The following FTO variants were observed in gnomAD, a reference collection of about 807,000 sequenced individuals.
FTO encodes alpha-ketoglutarate-dependent dioxygenase FTO.
FTO carries 47 observed loss-of-function variants against 63.9 expected under a neutral mutation model. That is an observed-to-expected ratio of 0.74 (90% CI 0.58 to 0.94). The LOEUF (loss-of-function observed/expected upper bound fraction) is 0.94, where lower values mean the gene tolerates loss of function less well. Among genes scored for constraint, FTO ranks in the 40% least tolerant of loss-of-function variants. The pLI, the probability that FTO is intolerant of heterozygous loss-of-function variation, is 0.00. For missense variants in FTO, 562 were observed against 618.1 expected (o/e 0.91, Z 0.96); for synonymous variants, 207 against 224.4 (o/e 0.92, Z 0.69).
chr16:53,829,834 A>T (rs181234963), intron 3 of FTO, among the ~76,000 whole-genome samples: 2 of 152,256 alleles, frequency 1.3e-5, no homozygotes, highest in East Asian at 3.9e-4. Context: ...AAATCACTTG[A>T]TTCTAGCCTT....
chr16:54,073,142 C>A (rs1324878590), intron 8 of FTO, among the ~76,000 whole-genome samples: 1 of 152,132 alleles, frequency 6.6e-6, no homozygotes, highest in Non-Finnish European at 1.5e-5. Flanking sequence ...TCCTCTCCTA[C>A]GTGTCCTGTT....
chr16:53,811,321 A>G (rs1348148822), intron 2 of FTO, among the ~76,000 whole-genome samples: 4 of 152,216 alleles, frequency 2.6e-5, no homozygotes, highest in Admixed American at 1.3e-4. Context: ...GAAAATCAGA[A>G]TAGGAATTAG....
intron 1 of FTO, among the ~76,000 whole-genome samples, chr16:53,779,287 A>G (rs546379797): frequency 4.6e-5 from 7 of 152,244 alleles, no homozygotes; most frequent in African/African-American, 1.7e-4. Flanking sequence ...CATCATTGCA[A>G]CAATTATTAC....
In FTO at chr16:53,917,707, T is replaced by TGA. The variant is rs1567435098; in HGVS notation, c.1240-16276_1240-16275dup. 6.9e-5 allele frequency among the ~76,000 whole-genome samples: 8 copies of TGA among 115,708 alleles called. 1 individual carries two copies. In the South Asian group the frequency reaches 2.5e-3, roughly 36 times the overall value. The allele number at this position is 115,708 out of a possible 152,430, so 75.9% of individuals were successfully genotyped here. On this transcript the variant is annotated intron_variant, in intron 7 of 8. Transcript: ENST00000471389. ...TTGAGAGCCATACCACAAAATTGAG[T>TGA]GAGTGTGTGTGTGTGTGTGTGTGTG...
intron 8 of FTO, among the ~76,000 whole-genome samples, chr16:53,978,485 G>A (rs563346673): frequency 6.6e-4 from 100 of 152,194 alleles, no homozygotes; most frequent in African/African-American, 1.9e-3. Context: ...GCCAAACATC[G>A]TTTTAGGTTT....
intron 8 of FTO, among the ~76,000 whole-genome samples, chr16:53,939,808 T>A (rs2082484794): frequency 6.6e-6 from 1 of 152,238 alleles, no homozygotes; most frequent in Non-Finnish European, 1.5e-5. Flanking sequence ...TCTTTTTTAC[T>A]GCTGAATAAT....
intron 1 of FTO, among the ~76,000 whole-genome samples, chr16:53,800,980 T>A (rs867905771): frequency 1.3e-5 from 2 of 152,172 alleles, no homozygotes; most frequent in African/African-American, 4.8e-5. Flanking sequence ...AATCAATTTG[T>A]TTCTTTACAT....
At chr16:53,861,730 A>C (rs1319480536) in intron 4 of FTO, among the ~76,000 whole-genome samples, 1 of 152,192 alleles carries the variant, frequency 6.6e-6, no homozygotes, top group Non-Finnish European at 1.5e-5. Flanking sequence ...AACTGCGTTT[A>C]TGCTTACTGC....
chr16:53,968,057 A>G (rs145853059), intron 8 of FTO, among the ~76,000 whole-genome samples: 1 of 152,340 alleles, frequency 6.6e-6, no homozygotes, highest in Non-Finnish European at 1.5e-5. Flanking sequence ...TCATATGTAT[A>G]TAAAAGAAAT....
chr16:53,816,931 A>G (rs566337269), intron 2 of FTO, among the ~76,000 whole-genome samples: 2 of 152,306 alleles, frequency 1.3e-5, no homozygotes, highest in East Asian at 1.9e-4. Context: ...TGCTCAATAC[A>G]TATGTATTCA....
At chr16:53,715,028 C>T (rs1237204400) in intron 1 of FTO, among the ~76,000 whole-genome samples, 1 of 152,148 alleles carries the variant, frequency 6.6e-6, no homozygotes, top group Non-Finnish European at 1.5e-5. Context: ...ATCAGACCAT[C>T]AAGATACTAA....
chr16:53,796,553 A>G (rs9930506), intron 1 of FTO, among the ~76,000 whole-genome samples: 54,193 of 152,122 alleles, frequency 0.36, 10,559 homozygotes, highest in Non-Finnish European at 0.44. Flanking sequence ...GACATACTAC[A>G]TGAATTACTA....
At chr16:53,707,469 A>C (rs571524878) in intron 1 of FTO, among the ~76,000 whole-genome samples, 2 of 152,300 alleles carry the variant, frequency 1.3e-5, no homozygotes, top group South Asian at 4.1e-4. Flanking sequence ...GGTTACATTC[A>C]CACGTGCCGG....
chr16:54,039,528 A>G (rs1401422475), intron 8 of FTO: 1 of 152,240 alleles, frequency 6.6e-6, no homozygotes, highest in Non-Finnish European at 1.5e-5. Context: ...TCATCCACTG[A>G]TGTTTTTCAT....
At chr16:53,908,627 G>T (rs2081599679) in intron 7 of FTO, among the ~76,000 whole-genome samples, 1 of 152,188 alleles carries the variant, frequency 6.6e-6, no homozygotes, top group Non-Finnish European at 1.5e-5. Flanking sequence ...ACCTGTCATG[G>T]CCCGTGGGTA....
At chr16:54,078,889 T>C (rs570391125) in intron 8 of FTO, among the ~76,000 whole-genome samples, 25 of 152,068 alleles carry the variant, frequency 1.6e-4, no homozygotes, top group Admixed American at 1.4e-3. Flanking sequence ...AAATAAAATT[T>C]AAAAATTTAA....
chr16:53,799,487 G>C (rs2078164857), intron 1 of FTO, among the ~76,000 whole-genome samples: 1 of 152,078 alleles, frequency 6.6e-6, no homozygotes, highest in Non-Finnish European at 1.5e-5. Flanking sequence ...AGTGGGTCAG[G>C]AGTAAATGTT....
chr16:53,794,235 A>G (rs986876440), intron 1 of FTO, among the ~76,000 whole-genome samples: 1 of 152,248 alleles, frequency 6.6e-6, no homozygotes, highest in African/African-American at 2.4e-5. Flanking sequence ...TAAAGAAGTC[A>G]TCTGTGCCTT....
At chr16:53,957,094 T>A (rs1455467119) in intron 8 of FTO, among the ~76,000 whole-genome samples, 7 of 152,204 alleles carry the variant, frequency 4.6e-5, no homozygotes, top group Admixed American at 4.6e-4. Flanking sequence ...AGGTCAACTT[T>A]AAGATGATCT....
Sources: allele counts gnomAD v4.1 joint callset (sites outside exome capture counted in the v4.1 genomes callset), GRCh38; gene constraint gnomAD v4.1.1; transcripts MANE v1.5; gene names NCBI Gene and HGNC (gene_info 2026-07-23, HGNC 2026-07-21).